The following TXNRD1 variants were observed in gnomAD, a reference collection of about 807,000 sequenced individuals.
TXNRD1 encodes thioredoxin reductase 1, cytoplasmic.
TXNRD1 carries 57 observed loss-of-function variants against 80.3 expected under a neutral mutation model. The observed-to-expected ratio is 0.71, with a 90% CI of 0.57 to 0.89. TXNRD1 has a LOEUF of 0.89. Among genes scored for constraint, TXNRD1 ranks in the 40% least tolerant of loss-of-function variants. TXNRD1 has a pLI of 0.00. For synonymous variants in TXNRD1, 291 were observed against 285.2 expected (o/e 1.02, Z -0.20); for missense variants, 730 against 803.0 (o/e 0.91, Z 1.10).
At chr12:104,274,493 C>T (rs962188956) in intron 3 of TXNRD1, among the ~76,000 whole-genome samples, 3 of 151,796 alleles carry the variant, frequency 2.0e-5, no homozygotes, top group African/African-American at 7.3e-5. Context: ...TTCAGGAGTT[C>T]GAGAACAGCC....
intron 1 of TXNRD1, among the ~76,000 whole-genome samples, chr12:104,216,232 AG>A (rs1261690376): frequency 6.6e-6 from 1 of 152,210 alleles, no homozygotes; most frequent in East Asian, 1.9e-4. Context: ...AGGGCCCGTT[AG>A]GGCGTCCTCT....
Position 104,319,456 on chromosome 12 carries a change from T to C in TXNRD1, c.874-14T>C. On this transcript the variant is annotated splice_polypyrimidine_tract_variant and intron_variant, in intron 8 of 16. Transcript: ENST00000525566. ...TGATTACTTAATAAGGTTTTCATATTGGTTCCTTTGTAGGCAACAAATAAT... is the reference window on the plus strand; with the variant it reads ...TGATTACTTAATAAGGTTTTCATATCGGTTCCTTTGTAGGCAACAAATAAT... 6.6e-7 allele frequency: 1 copy of C among 1,506,794 alleles called. No individual in the cohort carries two copies. Among genetic ancestry groups the C allele is most frequent in the East Asian group, 2.4e-5 (1 of 42,258 alleles). 93.3% of individuals were successfully genotyped at this position (1,506,794 alleles called of 1,614,324 possible).
chr12:104,267,688 TC>T (rs879455320), intron 3 of TXNRD1, among the ~76,000 whole-genome samples: 2,317 of 39,434 alleles, frequency 0.059, 106 homozygotes, highest in Admixed American at 0.22. Context: ...TTTCTTTCTT[TC>T]TTTCTTTCTT....
chr12:104,250,790 C>G (rs1022787843), intron 1 of TXNRD1, among the ~76,000 whole-genome samples: 1 of 151,986 alleles, frequency 6.6e-6, no homozygotes, highest in Non-Finnish European at 1.5e-5. Context: ...TAAGGGTGGG[C>G]TTGAACTTGG....
chr12:104,246,694 T>G (rs1346467268), intron 1 of TXNRD1, among the ~76,000 whole-genome samples: 1 of 151,696 alleles, frequency 6.6e-6, no homozygotes, highest in African/African-American at 2.4e-5. Flanking sequence ...AGCTAATTTT[T>G]GTATTTTTAG....
chr12:104,302,485 C>CTTTTTTTTTTT (rs1565887593), intron 4 of TXNRD1, among the ~76,000 whole-genome samples: 1 of 31,790 alleles, frequency 3.1e-5, no homozygotes, highest in African/African-American at 1.9e-4. Context: ...GTATTCATTC[C>CTTTTTTTTTTT]CTTTTTTTTT....
chr12:104,290,745 A>G (rs1243888856), intron 4 of TXNRD1, among the ~76,000 whole-genome samples: 4 of 113,234 alleles, frequency 3.5e-5, no homozygotes, highest in Non-Finnish European at 5.3e-5. Flanking sequence ...ATATATATAT[A>G]TATATATATA....
intron 1 of TXNRD1, among the ~76,000 whole-genome samples, chr12:104,241,937 ATTT>A (rs747774973): frequency 1.0e-5 from 1 of 96,076 alleles, no homozygotes; most frequent in Admixed American, 1.5e-4. Context: ...TATACTAATG[ATTT>A]TTTTTTTTTT....
rs568269752 is a variant in TXNRD1, at chr12:104,255,574, G to A, written c.244-2445G>A. ...AGCACTTTGGGAGGCCGAGGCGGGC[G>A]GATCACCTGAGGTCAGGAGACCAGC... is the stretch of plus-strand genomic sequence containing the variant. On this transcript the variant is annotated intron_variant, in intron 2 of 16. Coordinates refer to ENST00000525566, the MANE Select transcript of TXNRD1 (RefSeq NM_001093771.3). 3.9e-4 allele frequency among the ~76,000 whole-genome samples: 59 copies of A among 152,134 alleles called. 1 individual carries two copies. The highest frequency in any genetic ancestry group is 1.3e-3 in the African/African-American group (56 of 41,496).
At chr12:104,267,473 T>C (rs2033529479) in intron 3 of TXNRD1, among the ~76,000 whole-genome samples, 1 of 151,652 alleles carries the variant, frequency 6.6e-6, no homozygotes, top group Non-Finnish European at 1.5e-5. Flanking sequence ...AGCTGGAGTC[T>C]CATGAGCCAC....
chr12:104,305,563 AG>A (rs1311959053), intron 4 of TXNRD1, among the ~76,000 whole-genome samples: 10 of 152,226 alleles, frequency 6.6e-5, no homozygotes, highest in African/African-American at 2.4e-4. Flanking sequence ...AAGAAGGAAA[AG>A]GCATTCTAGG....
chr12:104,329,704 C>T (rs1028953517), intron 13 of TXNRD1, among the ~76,000 whole-genome samples: 4 of 152,064 alleles, frequency 2.6e-5, no homozygotes, highest in African/African-American at 7.2e-5. Flanking sequence ...TTCTGTTGGA[C>T]ATACTCTTCT....
At chr12:104,302,486 C>CTTTTTTTTTTTTTTGTTTT (rs2034667997) in intron 4 of TXNRD1, among the ~76,000 whole-genome samples, 1 of 76,226 alleles carries the variant, frequency 1.3e-5, no homozygotes, top group Non-Finnish European at 2.3e-5. Context: ...TATTCATTCC[C>CTTTTTTTTTTTTTTGTTTT]TTTTTTTTTT....
At chr12:104,241,343 A>G (rs1193872008) in intron 1 of TXNRD1, among the ~76,000 whole-genome samples, 3 of 150,410 alleles carry the variant, frequency 2.0e-5, no homozygotes, top group Non-Finnish European at 3.0e-5. Context: ...CCGGCTGCCA[A>G]TGGTATTTCT....
chr12:104,264,604 TTA>T (rs1354067537), intron 3 of TXNRD1, among the ~76,000 whole-genome samples: 3 of 152,184 alleles, frequency 2.0e-5, no homozygotes, highest in Admixed American at 6.5e-5. Context: ...TATTAATATT[TTA>T]TGTCTTTTTT....
chr12:104,272,724 G>A (rs1373036279), intron 3 of TXNRD1, among the ~76,000 whole-genome samples: 1 of 151,250 alleles, frequency 6.6e-6, no homozygotes, highest in Non-Finnish European at 1.5e-5. Context: ...CCTGGGAGGC[G>A]GAGCTTGCAG....
chr12:104,234,500 G>A (rs568337663), intron 1 of TXNRD1, among the ~76,000 whole-genome samples: 9 of 151,878 alleles, frequency 5.9e-5, no homozygotes, highest in African/African-American at 2.2e-4. Flanking sequence ...TCACCATATT[G>A]GCCAGGCTGG....
chr12:104,328,878 A>G (rs1449955030), intron 13 of TXNRD1, among the ~76,000 whole-genome samples: 1 of 152,104 alleles, frequency 6.6e-6, no homozygotes, highest in South Asian at 2.1e-4. Flanking sequence ...ACTCTTCAGT[A>G]TGTTTCATGG....
At chr12:104,256,000 G>A (rs2033241034) in intron 2 of TXNRD1, among the ~76,000 whole-genome samples, 1 of 152,200 alleles carries the variant, frequency 6.6e-6, no homozygotes, top group Non-Finnish European at 1.5e-5. Context: ...TCCTGGTAAA[G>A]TGGTGAATTT....
Sources: allele counts gnomAD v4.1 joint callset (sites outside exome capture counted in the v4.1 genomes callset), GRCh38; gene constraint gnomAD v4.1.1; transcripts MANE v1.5; gene names NCBI Gene and HGNC (gene_info 2026-07-23, HGNC 2026-07-21).